SUPT6H: variants seen among roughly 807,000 people sequenced by gnomAD.
SUPT6H encodes the protein SPT6 homolog, histone chaperone and transcription elongation factor, also known as transcription elongation factor SPT6.
SUPT6H carries 11 observed loss-of-function variants against 222.3 expected under a neutral mutation model. The ratio of observed to expected loss-of-function variants is 0.05; its 90% CI spans 0.03 to 0.08. The LOEUF (loss-of-function observed/expected upper bound fraction) is 0.08. SUPT6H is among the 10% of genes least tolerant of loss of function. The pLI is 1.00. For synonymous variants in SUPT6H, 762 were observed against 801.2 expected, an observed-to-expected ratio of 0.95 and a Z score of 0.83; for missense variants, 1,422 against 2,216.0, an observed-to-expected ratio of 0.64 and a Z score of 7.19.
At position 28,668,454 on chromosome 17, in the gene SUPT6H, T is replaced by C. The variant is rs958874724; in HGVS notation, c.-31-4917T>C. The stretch of plus-strand genomic sequence containing the variant: ...AGAATTGCTTCTGGCACACCTCTTA[T>C]AACTGGAAGTCTTGGTATTGAGCTA... On this transcript the variant is annotated intron_variant, in intron 1 of 36. Transcript: ENST00000314616. 3.0e-4 allele frequency among the ~76,000 whole-genome samples: 45 copies of C among 152,314 alleles called. 1 individual carries two copies. The highest frequency in any genetic ancestry group is 1.9e-3 in the South Asian group (9 of 4,828).
intron 1 of SUPT6H, among the ~76,000 whole-genome samples, chr17:28,664,716 A>G (rs1263130329): frequency 1.3e-5 from 2 of 152,216 alleles, no homozygotes; most frequent in African/African-American, 4.8e-5. Context: ...GATATTTCTT[A>G]GGCACCCAAA....
At position 28,684,697 on chromosome 17, in the gene SUPT6H, G is replaced by T; in HGVS notation, c.2341G>T (p.Val781Phe). 6.2e-7 allele frequency: 1 copy of T among 1,614,212 alleles called. No individual in the cohort carries two copies. Among genetic ancestry groups the T allele is most frequent in the Non-Finnish European group, 8.5e-7 (1 of 1,180,050 alleles). ...CGAGAACCAAGGGAAGGGCATTCGA[G>T]TCCTCGGCATTGCTTTCTCCTCTGC... ...MDENQGKGIR[V>F]LGIAFSSARD... Residue 781 changes from valine to phenylalanine, a missense_variant, in exon 18 of 37, where the codon GTC (valine) becomes TTC (phenylalanine). By Grantham distance (50) the Val-to-Phe change is conservative. This residue lies in a region of SUPT6H where 294 missense variants were observed against 382.1 expected (regional missense o/e 0.77). Coordinates refer to ENST00000314616, the MANE Select transcript of SUPT6H (RefSeq NM_003170.5).
Position 28,687,460 on chromosome 17 carries a change from C to T in SUPT6H, c.2995C>T (p.His999Tyr), listed in dbSNP as rs1448482699. ...TGGCCTGGGACCTCGGAAAGGGACC[C>T]ACCTCCTGAAGGTAGGATTGGAGTG... Reference protein sequence around the residue: ...VCGLGPRKGTHLLKILKQNNT... With the variant: ...VCGLGPRKGTYLLKILKQNNT... Residue 999 changes from histidine (H) to tyrosine (Y), a missense_variant, in exon 23 of 37, where the codon CAC becomes TAC. Around this residue, in one of 13 missense-constraint regions of SUPT6H, gnomAD observed 294 missense variants for 382.1 expected, o/e 0.77. Coordinates refer to ENST00000314616, the MANE Select transcript of SUPT6H (RefSeq NM_003170.5). 2 of 1,614,088 alleles carry T rather than the reference C, an allele frequency of 1.2e-6. No individual in the cohort carries two copies. Among genetic ancestry groups the T allele is most frequent in the Non-Finnish European group, 1.7e-6 (2 of 1,180,002 alleles).
rs199836113 is a variant in SUPT6H, at chr17:28,681,294, T to G, written c.1388T>G (p.Val463Gly). Residue 463 changes from valine to glycine, a missense_variant, in exon 12 of 37, where the codon GTC becomes GGC. Coordinates refer to ENST00000314616, the MANE Select transcript of SUPT6H (RefSeq NM_003170.5). Reference sequence around the variant, plus strand: ...CAATCAATGGATGAGCTGAAAGATGTCTACAACCATTTTCTTCTTTATTAT... The same window carrying G: ...CAATCAATGGATGAGCTGAAAGATGGCTACAACCATTTTCTTCTTTATTAT... ...DVQSMDELKD[V>G]YNHFLLYYGR... 7.4e-6 allele frequency: 12 copies of G among 1,614,058 alleles called. No individual in the cohort carries two copies. In the Admixed American group the frequency reaches 1.8e-4, roughly 25 times the overall value.
chr17:28,684,677 A>C lies in SUPT6H; in HGVS notation c.2321A>C (p.Asn774Thr), dbSNP rs1212759415. The part of the protein sequence containing the change: ...VEEDDDFMDE[N>T]QGKGIRVLGI... ...GAAGATGACGACTTTATGGACGAGA[A>C]CCAAGGGAAGGGCATTCGAGTCCTC... The change falls in exon 18 of 37, where the codon AAC (asparagine) becomes ACC (threonine). Residue 774 changes from asparagine (N) to threonine (T), a missense_variant. Coordinates refer to ENST00000314616, the MANE Select transcript of SUPT6H (RefSeq NM_003170.5). 6.2e-7 allele frequency: 1 copy of C among 1,614,140 alleles called. No individual in the cohort carries two copies.
rs997599304 is a variant in SUPT6H, at chr17:28,673,426, G to A, written c.25G>A (p.Ala9Thr). MSDFVESE[A>T]EESEEEYNDE... ...AATGTCTGATTTTGTGGAAAGCGAGGCTGAGGAGTCAGAGGAAGAATACAA... is the reference window on the plus strand; with the variant it reads ...AATGTCTGATTTTGTGGAAAGCGAGACTGAGGAGTCAGAGGAAGAATACAA... Residue 9 changes from alanine (A) to threonine (T), a missense_variant, in exon 2 of 37, where the codon GCT becomes ACT. Ala to Thr is a moderately conservative substitution (Grantham distance 58). Transcript: ENST00000314616. 2 of 1,614,134 alleles carry A rather than the reference G, an allele frequency of 1.2e-6. No individual in the cohort carries two copies. The highest frequency in any genetic ancestry group is 1.7e-6 in the Non-Finnish European group (2 of 1,179,988).
chr17:28,697,060 C>A lies in SUPT6H; in HGVS notation c.4187C>A (p.Ala1396Asp), dbSNP rs779635035. 3.7e-6 allele frequency: 6 copies of A among 1,614,008 alleles called. No homozygotes were observed. The Admixed American group carries it at 1.0e-4, about 27-fold the overall frequency. ...EGKENAFSLG[A>D]TLWINSEEFE... ...AAGGAAAATGCCTTCAGCCTGGGAG[C>A]CACTCTGTGGATCAACAGTGAGGTG... Residue 1396 changes from alanine to aspartate, a missense_variant, in exon 30 of 37, where the codon GCC becomes GAC. Ala to Asp is a moderately radical substitution (Grantham distance 126, BLOSUM62 -2). Transcript: ENST00000314616.
intron 1 of SUPT6H, 31 bp from the exon 2 acceptor site, chr17:28,673,340 T>G: frequency 2.1e-6 from 3 of 1,414,208 alleles, no homozygotes; most frequent in Non-Finnish European, 3.0e-6. Flanking sequence ...ATGTGTCCGT[T>G]TTTTTATCCT....
chr17:28,677,643 C>A, intron 7 of SUPT6H, 72 bp from the exon 8 acceptor site: 1 of 1,107,316 alleles, frequency 9.0e-7, no homozygotes, highest in Non-Finnish European at 1.4e-6. Flanking sequence ...CGTTTCTGTC[C>A]AAAAAGGTAT....
In SUPT6H at chr17:28,684,607, A is replaced by C. The variant is rs562597181; in HGVS notation, c.2251A>C (p.Asn751His). 66 of 1,614,110 alleles carry C rather than the reference A, an allele frequency of 4.1e-5. No homozygotes were observed. The highest frequency in any genetic ancestry group is 5.1e-5 in the Non-Finnish European group (60 of 1,180,030). ...TCAGGCCTGTAGTCGAAAGCTCTAC[A>C]ATTGGTTGAGAGTGGCACCCTACCG... ...VIKACSRKLYNWLRVAPYRPD... is the reference protein window; with the variant it reads ...VIKACSRKLYHWLRVAPYRPD... Residue 751 changes from asparagine to histidine, a missense_variant, in exon 18 of 37, where the codon AAT becomes CAT. Coordinates refer to ENST00000314616, the MANE Select transcript of SUPT6H (RefSeq NM_003170.5).
chr17:28,668,678 G>A (rs1465048747), intron 1 of SUPT6H, among the ~76,000 whole-genome samples: 4 of 152,176 alleles, frequency 2.6e-5, no homozygotes, highest in Non-Finnish European at 4.4e-5. Flanking sequence ...CATCTGGTCT[G>A]CAGGAGCTGG....
At chr17:28,679,064 C>A in intron 11 of SUPT6H, 101 bp downstream of exon 11, 5 of 1,462,048 alleles carry the variant, frequency 3.4e-6, no homozygotes, top group Non-Finnish European at 4.6e-6. Context: ...AGCACAGGGC[C>A]CCATCCCTTA....
chr17:28,700,166 C>A lies in SUPT6H; in HGVS notation c.4562-7C>A. 6.2e-7 allele frequency: 1 copy of A among 1,614,206 alleles called. No homozygotes were observed. The highest frequency in any genetic ancestry group is 8.5e-7 in the Non-Finnish European group (1 of 1,180,012). On this transcript the variant is annotated splice_polypyrimidine_tract_variant and splice_region_variant and intron_variant, in intron 33 of 36. Coordinates refer to ENST00000314616, the MANE Select transcript of SUPT6H (RefSeq NM_003170.5). ...GAGGGATGTAACTAAATAATCACTTCCTGCAGGCATCACCCCTAGCAGCAG... is the reference window on the plus strand; with the variant it reads ...GAGGGATGTAACTAAATAATCACTTACTGCAGGCATCACCCCTAGCAGCAG...
At chr17:28,671,381 G>A (rs541591826) in intron 1 of SUPT6H, 148 of 152,304 alleles carry the variant, frequency 9.7e-4, no homozygotes, top group Middle Eastern at 3.4e-3. Flanking sequence ...TGCCATTTAT[G>A]TTTTCATGAT....
intron 32 of SUPT6H, 145 bp from the exon 33 acceptor site, chr17:28,699,636 C>T: frequency 4.0e-6 from 3 of 745,648 alleles, no homozygotes; most frequent in Non-Finnish European, 7.4e-6. Context: ...GCTCACCTCC[C>T]TTCACAGGCC....
intron 27 of SUPT6H, 177 bp downstream of exon 27, chr17:28,691,240 G>A (rs998080981): frequency 8.0e-6 from 7 of 869,970 alleles, no homozygotes; most frequent in African/African-American, 1.7e-5. Flanking sequence ...TGAGAAGGCT[G>A]ACATAGCTGG....
chr17:28,683,416 T>C lies in SUPT6H; in HGVS notation c.2027T>C (p.Val676Ala). Reference sequence around the variant, plus strand: ...GACATCAGCATAGATTTGAAGGGAGTGGAAGGGTAAGCAGAGCCCTGGGCT... The same window carrying C: ...GACATCAGCATAGATTTGAAGGGAGCGGAAGGGTAAGCAGAGCCCTGGGCT... ...TTDISIDLKG[V>A]EGYGNDQTYF... Residue 676 changes from valine to alanine, a missense_variant, in exon 16 of 37, where the codon GTG (valine) becomes GCG (alanine). Physicochemically the swap from Val to Ala is moderately conservative, Grantham distance 64 (BLOSUM62 0). Transcript: ENST00000314616. The C allele has an allele frequency of 1.2e-6, 2 of 1,612,594 alleles. No individual in the cohort carries two copies. Among genetic ancestry groups the C allele is most frequent in the Non-Finnish European group, 1.7e-6 (2 of 1,179,618 alleles).
chr17:28,683,864 C>G (rs375360144), intron 17 of SUPT6H, 48 bp downstream of exon 17: 63 of 1,506,476 alleles, frequency 4.2e-5, no homozygotes, highest in Non-Finnish European at 5.5e-5. Flanking sequence ...GTGACAGAGT[C>G]TTGCTCTGTT....
rs755832007 is a variant in SUPT6H, at chr17:28,681,323, C to G, written c.1417C>G (p.Arg473Gly). 6.8e-6 allele frequency: 11 copies of G among 1,613,714 alleles called. No homozygotes were observed. Among genetic ancestry groups the G allele is most frequent in the Non-Finnish European group, 9.3e-6 (11 of 1,179,968 alleles). ...CAACCATTTTCTTCTTTATTATGGCCGAGACATCCCTAAGATGCAGAACGC... is the reference window on the plus strand; with the variant it reads ...CAACCATTTTCTTCTTTATTATGGCGGAGACATCCCTAAGATGCAGAACGC... ...VYNHFLLYYG[R>G]DIPKMQNAAK... is the part of the protein sequence containing the mutation. Residue 473 changes from arginine (R) to glycine (G), a missense_variant, in exon 12 of 37, where the codon CGA (arginine) becomes GGA (glycine). By Grantham distance (125) the Arg-to-Gly change is moderately radical (BLOSUM62 -2). Coordinates refer to ENST00000314616, the MANE Select transcript of SUPT6H (RefSeq NM_003170.5).
Sources: gnomAD v4.1 joint callset for allele counts (sites outside exome capture counted in the v4.1 genomes callset) on GRCh38, gnomAD v4.1.1 for gene constraint, gnomAD v4.1.1 regional missense constraint, MANE v1.5 for transcripts, NCBI Gene and HGNC (gene_info 2026-07-23, HGNC 2026-07-21) for gene names.